The following IQCK variants were observed in gnomAD, a reference collection of about 807,000 sequenced individuals.
IQCK encodes the protein IQ domain-containing protein K.
Under a neutral mutation model 28.1 loss-of-function variants are expected in IQCK, and 29 were observed. The observed-to-expected ratio is 1.03, with a 90% CI of 0.77 to 1.41. The LOEUF is 1.41. Ranked by LOEUF, IQCK falls within the 40% of genes most tolerant of loss-of-function variation. The probability of loss-of-function intolerance (pLI) is 0.00; values close to 1 mark genes in which losing one functional copy is unlikely to be tolerated. For synonymous variants in IQCK, 113 were observed against 115.1 expected (o/e 0.98, Z 0.12); for missense variants, 359 against 314.7 (o/e 1.14, Z -1.07).
intron 6 of IQCK, among the ~76,000 whole-genome samples, chr16:19,783,397 C>T (rs2055518409): frequency 6.6e-6 from 1 of 152,152 alleles, no homozygotes; most frequent in Non-Finnish European, 1.5e-5. Context: ...TCCTTGGAAA[C>T]ATACCCAGCA....
chr16:19,805,946 T>A (rs954030492), intron 7 of IQCK, among the ~76,000 whole-genome samples: 4 of 151,972 alleles, frequency 2.6e-5, no homozygotes, highest in Non-Finnish European at 5.9e-5. Context: ...CCTCATGTGC[T>A]GAGTCTACTT....
chr16:19,856,618 GCTC>G, exon 10 of IQCK: 2 of 1,233,310 alleles, frequency 1.6e-6, no homozygotes, highest in Non-Finnish European at 2.4e-6. Flanking sequence ...TCCAAATGAT[GCTC>G]TCTCTCTTGT....
intron 7 of IQCK, among the ~76,000 whole-genome samples, chr16:19,812,784 G>T (rs1473663108): frequency 6.6e-6 from 1 of 152,146 alleles, no homozygotes; most frequent in Non-Finnish European, 1.5e-5. Context: ...ATAAAGATTT[G>T]CTAGAAAAAA....
intron 4 of IQCK, among the ~76,000 whole-genome samples, chr16:19,763,164 A>G (rs1307147332): frequency 1.3e-5 from 2 of 152,182 alleles, no homozygotes; most frequent in Non-Finnish European, 2.9e-5. Flanking sequence ...CTAATAGCCT[A>G]CTGTTGACTT....
At chr16:19,730,341 T>G in intron 1 of IQCK, 89 bp from the exon 2 acceptor site, 1 of 992,604 alleles carries the variant, frequency 1.0e-6, no homozygotes, top group Non-Finnish European at 1.5e-6. Context: ...CAAAATAAAA[T>G]TTAAGAATGT....
At chr16:19,725,085 T>G (rs1977613565) in intron 1 of IQCK, among the ~76,000 whole-genome samples, 1 of 152,228 alleles carries the variant, frequency 6.6e-6, no homozygotes, top group Admixed American at 6.5e-5. Flanking sequence ...GTTCATAATG[T>G]TCATTTAATA....
At chr16:19,725,464 T>G (rs1269307508) in intron 1 of IQCK, among the ~76,000 whole-genome samples, 1 of 152,230 alleles carries the variant, frequency 6.6e-6, no homozygotes, top group Non-Finnish European at 1.5e-5. Flanking sequence ...CCCAAAATGT[T>G]AGGATTACAG....
At chr16:19,737,091 A>G (rs1051723385) in intron 4 of IQCK, among the ~76,000 whole-genome samples, 1 of 151,922 alleles carries the variant, frequency 6.6e-6, no homozygotes, top group Non-Finnish European at 1.5e-5. Flanking sequence ...GAGCCCTGGA[A>G]GTTGAGGCTG....
At position 19,822,086 on chromosome 16, in the gene IQCK, A is replaced by AAC. The variant is rs1325038557; in HGVS notation, c.691-4939_691-4938insCA. Among the ~76,000 whole-genome samples, 1,033 of 148,256 alleles carry AAC rather than the reference A, an allele frequency of 7.0e-3. 18 individuals are homozygous for AAC. Among genetic ancestry groups the AAC allele is most frequent in the African/African-American group, 0.024 (971 of 40,000 alleles). On this transcript the variant is annotated intron_variant, in intron 7 of 7. Coordinates refer to ENST00000564186, the Ensembl canonical transcript of IQCK. ...CTGTCTCAAAAAAAAAAAAAAAACA[A>AAC]AAAAAAAAACAAAAAAAAACGGCCA...
At chr16:19,727,826 A>G (rs1977708708) in intron 1 of IQCK, among the ~76,000 whole-genome samples, 1 of 152,150 alleles carries the variant, frequency 6.6e-6, no homozygotes, top group South Asian at 2.1e-4. Flanking sequence ...CAGCTGGGGA[A>G]GAAGGGTGAA....
intron 6 of IQCK, among the ~76,000 whole-genome samples, chr16:19,775,226 C>CAAAA (rs1269665221): frequency 1.2e-5 from 1 of 82,416 alleles, no homozygotes; most frequent in Non-Finnish European, 2.9e-5. Context: ...GACTCTGTAT[C>CAAAA]AAAAAAAAAA....
intron 4 of IQCK, among the ~76,000 whole-genome samples, chr16:19,744,406 C>G (rs917515265): frequency 3.3e-5 from 5 of 152,164 alleles, no homozygotes; most frequent in Non-Finnish European, 5.9e-5. Context: ...CCTGGGATTA[C>G]AGGGATAAGC....
At chr16:19,829,137 G>A (rs185037900), downstream of IQCK, among the ~76,000 whole-genome samples, 509 of 151,288 alleles carry the variant, frequency 3.4e-3, 5 homozygotes, top group African/African-American at 0.01. Flanking sequence ...TAAGCATATA[G>A]TACTTTATAA....
At chr16:19,772,860 G>T (rs1159428779) in intron 6 of IQCK, among the ~76,000 whole-genome samples, 8 of 152,012 alleles carry the variant, frequency 5.3e-5, no homozygotes, top group African/African-American at 1.7e-4. Context: ...AAAATCAGCT[G>T]ATCATGGTGG....
At chr16:19,781,726 C>T (rs188186079) in intron 6 of IQCK, among the ~76,000 whole-genome samples, 5 of 152,288 alleles carry the variant, frequency 3.3e-5, no homozygotes, top group East Asian at 1.9e-4. Context: ...TGGTGGCTCA[C>T]GCCTGTAATC....
At chr16:19,721,643 T>C (rs2151670998) in intron 1 of IQCK, among the ~76,000 whole-genome samples, 1 of 151,380 alleles carries the variant, frequency 6.6e-6, no homozygotes. Context: ...TGCAGTGCAG[T>C]GGCGCAATCT....
chr16:19,844,470 T>C (rs768327757), intron 9 of IQCK, among the ~76,000 whole-genome samples: 2 of 152,058 alleles, frequency 1.3e-5, no homozygotes, highest in Non-Finnish European at 2.9e-5. Context: ...ATGGGGCACA[T>C]TGGAGATGGG....
At chr16:19,857,296 A>G (rs2056574132) in exon 10 of IQCK, 1 of 355,112 alleles carries the variant, frequency 2.8e-6, no homozygotes, top group Non-Finnish European at 5.3e-6. Context: ...CACACGTCTT[A>G]AGTAAATAGT....
intron 1 of IQCK, among the ~76,000 whole-genome samples, chr16:19,718,950 C>T (rs1315423087): frequency 1.3e-5 from 2 of 152,336 alleles, no homozygotes; most frequent in East Asian, 3.9e-4. Context: ...GTGGCCCACA[C>T]GTTCAGTAAC....
Sources: gnomAD v4.1 joint callset for allele counts (sites outside exome capture counted in the v4.1 genomes callset) on GRCh38, gnomAD v4.1.1 for gene constraint, MANE v1.5 for transcripts, NCBI Gene and HGNC (gene_info 2026-07-23, HGNC 2026-07-21) for gene names.